The following BTBD16 variants were observed in gnomAD, a reference collection of about 807,000 sequenced individuals.
The protein encoded by BTBD16 is BTB domain containing 16.
A neutral mutation model predicts 67.4 loss-of-function variants in BTBD16; 66 were observed. That is an observed-to-expected ratio of 0.98 (90% CI 0.80 to 1.20). The LOEUF (loss-of-function observed/expected upper bound fraction) is 1.20. Ranked by LOEUF, BTBD16 falls within the 50% of genes most tolerant of loss-of-function variation. The pLI, the probability that BTBD16 is intolerant of heterozygous loss-of-function variation, is 0.00. For missense variants in BTBD16, 634 were observed against 616.0 expected (o/e 1.03, Z -0.31); for synonymous variants, 242 against 236.4 (o/e 1.02, Z -0.22).
chr10:122,289,972 T>A lies in BTBD16; in HGVS notation c.449T>A (p.Ile150Asn). The A allele has an allele frequency of 6.2e-7, 1 of 1,613,562 alleles. No individual in the cohort carries two copies. The highest frequency in any genetic ancestry group is 8.5e-7 in the Non-Finnish European group (1 of 1,179,680). The change falls in exon 6 of 16, where the codon ATC becomes AAC. Residue 150 changes from isoleucine (I) to asparagine (N), a missense_variant. Coordinates refer to ENST00000260723, the MANE Select transcript of BTBD16 (RefSeq NM_144587.5). ...PAKRIIISLK[I>N]NDPLVTKVAF... The stretch of plus-strand genomic sequence containing the variant: ...AAGAGGATCATCATTTCCTTGAAGA[T>A]CAATGACCCACTGGTCACTAAAGTC...
At chr10:122,284,461 A>AT (rs2096359466) in intron 4 of BTBD16, among the ~76,000 whole-genome samples, 1 of 147,442 alleles carries the variant, frequency 6.8e-6, no homozygotes, top group African/African-American at 2.5e-5. Flanking sequence ...AAAAAAAAAA[A>AT]GTAGTCTTTG....
At chr10:122,301,319 G>A (rs1009457917) in intron 9 of BTBD16, among the ~76,000 whole-genome samples, 4 of 152,118 alleles carry the variant, frequency 2.6e-5, no homozygotes, top group East Asian at 1.9e-4. Context: ...CCTGACAAAC[G>A]TATGCTGGGC....
intron 10 of BTBD16, among the ~76,000 whole-genome samples, chr10:122,326,762 G>C (rs1325535792): frequency 1.3e-5 from 2 of 152,188 alleles, no homozygotes; most frequent in Non-Finnish European, 2.9e-5. Context: ...ACTGTGAACT[G>C]TCTTCCCTAG....
intron 10 of BTBD16, among the ~76,000 whole-genome samples, chr10:122,317,237 CA>C (rs1478751604): frequency 6.6e-6 from 1 of 152,196 alleles, no homozygotes; most frequent in Non-Finnish European, 1.5e-5. Flanking sequence ...TAGCTTAAAA[CA>C]CAAACACGTT....
At chr10:122,276,669 C>A in intron 2 of BTBD16, 122 bp from the exon 3 acceptor site, 1 of 1,337,910 alleles carries the variant, frequency 7.5e-7, no homozygotes, top group Non-Finnish European at 1.0e-6. Context: ...TAGCCATGTT[C>A]AAAAATTAAC....
intron 5 of BTBD16, among the ~76,000 whole-genome samples, chr10:122,288,743 C>T (rs1165574164): frequency 6.6e-6 from 1 of 151,896 alleles, no homozygotes; most frequent in Non-Finnish European, 1.5e-5. Flanking sequence ...TGCTACCTTA[C>T]ATTTGGGGTC....
chr10:122,288,287 A>G (rs950334187), intron 5 of BTBD16, among the ~76,000 whole-genome samples: 2 of 152,204 alleles, frequency 1.3e-5, no homozygotes, highest in Non-Finnish European at 2.9e-5. Context: ...GAGGCCGTGT[A>G]GTCATACTGG....
chr10:122,322,151 C>T (rs887292387), intron 10 of BTBD16, among the ~76,000 whole-genome samples: 3 of 152,132 alleles, frequency 2.0e-5, no homozygotes, highest in Non-Finnish European at 2.9e-5. Flanking sequence ...TGACTTGACA[C>T]ACCTGTTGAT....
Position 122,317,890 on chromosome 10 carries a change from T to TA in BTBD16, c.911+10583dup, listed in dbSNP as rs2096428763. Among the ~76,000 whole-genome samples, 4 of 152,252 alleles carry TA rather than the reference T, an allele frequency of 2.6e-5. No homozygotes were observed. In the South Asian group the frequency reaches 8.3e-4, roughly 32 times the overall value. ...TGCTTGAGGCTGTGAACTTTTTTTT[T>TA]ATAAGTAGAAGGAAAACACTATAAA... is the stretch of plus-strand genomic sequence containing the variant. On this transcript the variant is annotated intron_variant, in intron 10 of 15. Coordinates refer to ENST00000260723, the MANE Select transcript of BTBD16 (RefSeq NM_144587.5).
intron 10 of BTBD16, among the ~76,000 whole-genome samples, chr10:122,315,505 A>T (rs1039803665): frequency 6.6e-6 from 1 of 152,096 alleles, no homozygotes. Flanking sequence ...ATTAATTTTG[A>T]GGTTATACTA....
At chr10:122,297,663 C>T (rs1425031215) in intron 7 of BTBD16, 105 bp from the exon 8 acceptor site, 1 of 1,299,818 alleles carries the variant, frequency 7.7e-7, no homozygotes, top group East Asian at 2.5e-5. Flanking sequence ...CCCTTCCGTT[C>T]AAAAGTCTGC....
intron 6 of BTBD16, among the ~76,000 whole-genome samples, 197 bp from the exon 7 acceptor site, chr10:122,290,883 C>T (rs2096372714): frequency 6.6e-6 from 1 of 152,206 alleles, no homozygotes; most frequent in Non-Finnish European, 1.5e-5. Context: ...CTTTCTTTAG[C>T]TTCAGCCTCA....
At chr10:122,272,903 A>T (rs949109820) in intron 1 of BTBD16, among the ~76,000 whole-genome samples, 1 of 152,202 alleles carries the variant, frequency 6.6e-6, no homozygotes, top group East Asian at 1.9e-4. Flanking sequence ...CAGTTTTCAG[A>T]AAAGAAAAAT....
chr10:122,313,759 C>T (rs2096418809), intron 10 of BTBD16, among the ~76,000 whole-genome samples: 2 of 152,164 alleles, frequency 1.3e-5, no homozygotes, highest in Non-Finnish European at 2.9e-5. Flanking sequence ...TGATCCAGCA[C>T]CGTTTACTGG....
At chr10:122,319,234 T>G (rs1470225760) in intron 10 of BTBD16, among the ~76,000 whole-genome samples, 1 of 152,204 alleles carries the variant, frequency 6.6e-6, no homozygotes, top group African/African-American at 2.4e-5. Flanking sequence ...TATTTTGATG[T>G]TCAATGTGTT....
chr10:122,321,275 T>C (rs983208092), intron 10 of BTBD16, among the ~76,000 whole-genome samples: 4 of 152,222 alleles, frequency 2.6e-5, no homozygotes, highest in African/African-American at 9.6e-5. Flanking sequence ...CCTAGGTTGA[T>C]TCCATGTCTT....
chr10:122,333,355 C>T (rs926207469), intron 13 of BTBD16, among the ~76,000 whole-genome samples: 2 of 152,160 alleles, frequency 1.3e-5, no homozygotes, highest in Non-Finnish European at 2.9e-5. Context: ...CTATAGACCA[C>T]AGGTCATCTA....
intron 3 of BTBD16, 28 bp downstream of exon 3, chr10:122,276,967 G>A (rs1263473434): frequency 2.5e-6 from 4 of 1,603,464 alleles, no homozygotes; most frequent in Non-Finnish European, 3.4e-6. Context: ...TTTGTGGGAG[G>A]GAATGGCCCA....
intron 10 of BTBD16, among the ~76,000 whole-genome samples, chr10:122,320,439 C>G (rs1017006372): frequency 6.6e-6 from 1 of 151,774 alleles, no homozygotes; most frequent in Non-Finnish European, 1.5e-5. Context: ...TTAGTTTGCC[C>G]TTCTTTTCCT....
Sources: gnomAD v4.1 joint callset for allele counts (sites outside exome capture counted in the v4.1 genomes callset) on GRCh38, gnomAD v4.1.1 for gene constraint, MANE v1.5 for transcripts, NCBI Gene and HGNC (gene_info 2026-07-23, HGNC 2026-07-21) for gene names.